Variants in CHRM3 observed in about 807,000 individuals in gnomAD.
The protein encoded by CHRM3 is muscarinic acetylcholine receptor M3.
In CHRM3, 11 loss-of-function variants were observed where a neutral mutation model predicts 41.8. The ratio of observed to expected loss-of-function variants is 0.26; its 90% CI spans 0.17 to 0.44. The LOEUF is 0.44. CHRM3 is among the 20% of genes least tolerant of loss of function. The pLI, the probability that CHRM3 is intolerant of heterozygous loss-of-function variation, is 1.00. For missense variants in CHRM3, 571 were observed against 745.4 expected (o/e 0.77, Z 2.72); for synonymous variants, 297 against 301.4 (o/e 0.99, Z 0.15).
At chr1:239,719,414 C>T (rs1473301506) in intron 5 of CHRM3, 1 of 151,944 alleles carries the variant, frequency 6.6e-6, no homozygotes, top group Admixed American at 6.6e-5. Flanking sequence ...ATTACAGTTT[C>T]AGGGGGCAGT....
chr1:239,859,432 G>GTTTT (rs141776323), intron 6 of CHRM3, among the ~76,000 whole-genome samples: 1 of 136,474 alleles, frequency 7.3e-6, no homozygotes, highest in African/African-American at 2.8e-5. Context: ...TTTTTTTTTT[G>GTTTT]TTTTTTTTTT....
rs370496185 is a variant in CHRM3, at chr1:239,757,597, G to A, written c.-146-69655G>A. Reference sequence around the variant, plus strand: ...GTGAGCCGAGATCGCGCCACTGCACGCCAGCCTGGGTCACAGAGTGAGACT... The same window carrying A: ...GTGAGCCGAGATCGCGCCACTGCACACCAGCCTGGGTCACAGAGTGAGACT... On this transcript the variant is annotated intron_variant, in intron 5 of 6. Transcript: ENST00000676153. Among the ~76,000 whole-genome samples the A allele has an allele frequency of 2.4e-4, 36 of 150,262 alleles. No homozygotes were observed. The South Asian group carries it at 6.5e-3, about 27-fold the overall frequency.
intron 6 of CHRM3, among the ~76,000 whole-genome samples, chr1:239,889,247 C>T (rs1326134387): frequency 2.0e-5 from 3 of 152,068 alleles, no homozygotes; most frequent in African/African-American, 7.2e-5. Flanking sequence ...TCAGGTGTAC[C>T]ATTTGCTTAG....
At chr1:239,733,166 T>C (rs1664105313) in intron 5 of CHRM3, among the ~76,000 whole-genome samples, 1 of 152,008 alleles carries the variant, frequency 6.6e-6, no homozygotes, top group Admixed American at 6.6e-5. Context: ...GACTAAATGT[T>C]CCCTGAGCTC....
intron 5 of CHRM3, chr1:239,706,781 C>T (rs188473319): frequency 1.5e-3 from 226 of 152,376 alleles, no homozygotes; most frequent in South Asian, 3.9e-3. Flanking sequence ...CACACACACA[C>T]GCAGAGGCAT....
At chr1:239,560,188 A>C (rs1660726300) in intron 3 of CHRM3, among the ~76,000 whole-genome samples, 1 of 152,220 alleles carries the variant, frequency 6.6e-6, no homozygotes, top group Non-Finnish European at 1.5e-5. Context: ...CAATACTTTC[A>C]GATTCTCAGT....
intron 6 of CHRM3, among the ~76,000 whole-genome samples, chr1:239,859,735 G>T (rs1309035762): frequency 6.7e-6 from 1 of 149,578 alleles, no homozygotes. Flanking sequence ...TTTAAATAAA[G>T]ATTTATTGAA....
At chr1:239,817,266 A>G (rs1328156037) in intron 5 of CHRM3, among the ~76,000 whole-genome samples, 1 of 152,176 alleles carries the variant, frequency 6.6e-6, no homozygotes, top group Non-Finnish European at 1.5e-5. Flanking sequence ...TAAAAGAGTA[A>G]TTTTGAAGTT....
intron 1 of CHRM3, among the ~76,000 whole-genome samples, chr1:239,392,463 A>G (rs1315909764): frequency 6.6e-6 from 1 of 152,204 alleles, no homozygotes; most frequent in Non-Finnish European, 1.5e-5. Context: ...CAGCTGAGCC[A>G]TGACATCGTC....
At chr1:239,723,775 C>T (rs371185137) in intron 5 of CHRM3, among the ~76,000 whole-genome samples, 9 of 151,728 alleles carry the variant, frequency 5.9e-5, no homozygotes, top group South Asian at 2.1e-4. Context: ...AGGGCTAATA[C>T]GTTTTAAGGC....
chr1:239,838,914 G>A (rs1190382123), intron 6 of CHRM3, among the ~76,000 whole-genome samples: 4 of 152,130 alleles, frequency 2.6e-5, no homozygotes, highest in Non-Finnish European at 5.9e-5. Flanking sequence ...GAAGAATCAA[G>A]AAAATTTAAA....
chr1:239,840,363 C>T (rs1673693213), intron 6 of CHRM3, among the ~76,000 whole-genome samples: 1 of 152,238 alleles, frequency 6.6e-6, no homozygotes, highest in Non-Finnish European at 1.5e-5. Context: ...GCCTGCAGCA[C>T]TCAAATACTT....
At chr1:239,598,052 T>C (rs1033735415) in intron 3 of CHRM3, among the ~76,000 whole-genome samples, 1 of 152,008 alleles carries the variant, frequency 6.6e-6, no homozygotes, top group Admixed American at 6.6e-5. Flanking sequence ...ACATGGCACA[T>C]AGAAAACACA....
At chr1:239,892,343 CAGAT>C (rs1464130718) in intron 6 of CHRM3, among the ~76,000 whole-genome samples, 1 of 152,148 alleles carries the variant, frequency 6.6e-6, no homozygotes, top group Non-Finnish European at 1.5e-5. Context: ...TTCATTTTCA[CAGAT>C]AGGTGGTACT....
intron 1 of CHRM3, among the ~76,000 whole-genome samples, chr1:239,445,799 C>A (rs1664081558): frequency 6.6e-6 from 1 of 152,112 alleles, no homozygotes; most frequent in African/African-American, 2.4e-5. Context: ...ATCTACTCAG[C>A]AGGGGTGAAT....
chr1:239,795,505 T>A (rs1669695018), intron 5 of CHRM3, among the ~76,000 whole-genome samples: 3 of 152,196 alleles, frequency 2.0e-5, no homozygotes, highest in African/African-American at 4.8e-5. Context: ...TGAAGCAGAT[T>A]TCCTCCACTG....
Position 239,642,488 on chromosome 1 carries a change from C to T in CHRM3, c.-250+10202C>T, listed in dbSNP as rs527532045. On this transcript the variant is annotated intron_variant, in intron 4 of 6. Transcript: ENST00000676153. ...TTCTTTATATTCTTTTTTATCTAAA[C>T]TTCCCTTCTCGCTTCATTTCATTCA... is the stretch of plus-strand genomic sequence containing the variant. 2.8e-4 allele frequency among the ~76,000 whole-genome samples: 43 copies of T among 152,180 alleles called. No homozygotes were observed. In the East Asian group the frequency reaches 2.9e-3, roughly 10 times the overall value.
intron 3 of CHRM3, among the ~76,000 whole-genome samples, chr1:239,582,674 A>T (rs1347143453): frequency 6.6e-6 from 1 of 152,132 alleles, no homozygotes; most frequent in Non-Finnish European, 1.5e-5. Context: ...TGATCTCTTC[A>T]ATACCATCCT....
rs751548647 is a variant in CHRM3, at chr1:239,909,143, C to CA, written c.1700dup (p.Arg568GlufsTer26). ...AGATGCTGCTGCTGTGCCAGTGTGA[C>CA]AAAAAAAAGAGGCGCAAGCAGCAGT... On this transcript the variant is annotated frameshift_variant, in exon 7 of 7. Coordinates refer to ENST00000676153, the MANE Select transcript of CHRM3 (RefSeq NM_001375978.1). LOFTEE classifies it high-confidence loss of function. 31 of 1,611,832 alleles carry CA rather than the reference C, an allele frequency of 1.9e-5. No homozygotes were observed. The highest frequency in any genetic ancestry group is 3.4e-5 in the Admixed American group (2 of 59,554).
Sources: gnomAD v4.1 joint callset for allele counts (sites outside exome capture counted in the v4.1 genomes callset) on GRCh38, gnomAD v4.1.1 for gene constraint, MANE v1.5 for transcripts, NCBI Gene and HGNC (gene_info 2026-07-23, HGNC 2026-07-21) for gene names.